Variants in SKI observed in about 807,000 individuals in gnomAD.
SKI encodes the protein SKI proto-oncogene, also known as ski oncogene.
A neutral mutation model predicts 59.3 loss-of-function variants in SKI; 23 were observed. The observed-to-expected ratio is 0.39, with a 90% CI of 0.28 to 0.55. SKI has a LOEUF of 0.55. SKI is among the 20% of genes least tolerant of loss of function. The pLI, the probability that SKI is intolerant of heterozygous loss-of-function variation, is 0.67. For synonymous variants in SKI, 673 were observed against 488.6 expected (o/e 1.38, Z -4.98); for missense variants, 1,017 against 1,038.9 (o/e 0.98, Z 0.29).
At chr1:2,241,287 T>A (rs911684601) in intron 1 of SKI, among the ~76,000 whole-genome samples, 6 of 152,204 alleles carry the variant, frequency 3.9e-5, no homozygotes, top group African/African-American at 1.4e-4. Flanking sequence ...TTCACTGAAG[T>A]AGAGAGATTA....
Position 2,270,599 on chromosome 1 carries a change from G to A in SKI, c.970-32379G>A, listed in dbSNP as rs147895810. Among the ~76,000 whole-genome samples, 120 of 152,282 alleles carry A rather than the reference G, an allele frequency of 7.9e-4. No homozygotes were observed. Among genetic ancestry groups the A allele is most frequent in the Middle Eastern group, 3.4e-3 (1 of 294 alleles). On this transcript the variant is annotated intron_variant, in intron 1 of 6. Coordinates refer to ENST00000378536, the MANE Select transcript of SKI (RefSeq NM_003036.4). This position sits in a 1 kb window ranked among gnomAD's most constrained non-coding sequence, Gnocchi z 4.1. Reference sequence around the variant, plus strand: ...GCCGGCTGAGGAGGCCGCACTCCCCGTGCCTCCCGGGCAGACACCTCACGG... The same window carrying A: ...GCCGGCTGAGGAGGCCGCACTCCCCATGCCTCCCGGGCAGACACCTCACGG...
chr1:2,232,583 G>A (rs1638662362), intron 1 of SKI: 1 of 152,300 alleles, frequency 6.6e-6, no homozygotes, highest in Admixed American at 6.5e-5. Context: ...TACAGAGGAA[G>A]CCTCCGCTTC....
At chr1:2,230,806 A>G (rs1638619125) in intron 1 of SKI, among the ~76,000 whole-genome samples, 2 of 152,174 alleles carry the variant, frequency 1.3e-5, no homozygotes, top group African/African-American at 2.4e-5. Flanking sequence ...TAATTCAGCT[A>G]TTGCATCAAA....
Position 2,282,802 on chromosome 1 carries a change from G to A in SKI, c.970-20176G>A, listed in dbSNP as rs112391098. Among the ~76,000 whole-genome samples, 26 of 152,240 alleles carry A rather than the reference G, an allele frequency of 1.7e-4. 1 individual carries two copies. The highest frequency in any genetic ancestry group is 4.1e-4 in the African/African-American group (17 of 41,538). On this transcript the variant is annotated intron_variant, in intron 1 of 6. Transcript: ENST00000378536. The stretch of plus-strand genomic sequence containing the variant: ...CGGGGGCGCCAGTCCTGTCCTTGGC[G>A]CCCAGCACATGCTACTAGTGACATT...
At chr1:2,290,778 C>G (rs562358678) in intron 1 of SKI, among the ~76,000 whole-genome samples, 239 of 152,298 alleles carry the variant, frequency 1.6e-3, no homozygotes, top group African/African-American at 5.4e-3. Context: ...TCCTGTAAAG[C>G]CGGGGATGGC....
intron 1 of SKI, among the ~76,000 whole-genome samples, chr1:2,234,736 C>T (rs948223204): frequency 2.6e-5 from 4 of 152,260 alleles, no homozygotes; most frequent in African/African-American, 9.6e-5. Flanking sequence ...GGGAGGATTT[C>T]TCCACTGGAA....
At chr1:2,250,584 C>T (rs1291443824) in intron 1 of SKI, among the ~76,000 whole-genome samples, 1 of 152,226 alleles carries the variant, frequency 6.6e-6, no homozygotes, top group Non-Finnish European at 1.5e-5. Flanking sequence ...ACTGTTTTTG[C>T]AACTTTTTGC....
At chr1:2,235,682 C>T (rs541144437) in intron 1 of SKI, among the ~76,000 whole-genome samples, 57 of 152,318 alleles carry the variant, frequency 3.7e-4, no homozygotes, top group Non-Finnish European at 6.9e-4. Context: ...GCTCTGGGGA[C>T]ATGCTGCCAC....
chr1:2,262,785 C>CT (rs1639416619), intron 1 of SKI, among the ~76,000 whole-genome samples: 2 of 152,068 alleles, frequency 1.3e-5, no homozygotes, highest in African/African-American at 4.8e-5. Context: ...TTTCAGGTTA[C>CT]TAATGTGATG....
intron 1 of SKI, among the ~76,000 whole-genome samples, chr1:2,237,102 G>A (rs566215214): frequency 1.3e-5 from 2 of 152,280 alleles, no homozygotes; most frequent in East Asian, 1.9e-4. Flanking sequence ...GGCCCTTCCC[G>A]ACCAGACCTG....
chr1:2,302,427 C>T (rs1640447238), intron 1 of SKI, among the ~76,000 whole-genome samples: 2 of 152,196 alleles, frequency 1.3e-5, no homozygotes, highest in African/African-American at 2.4e-5. Context: ...TGCACCTGTG[C>T]CAGTGGCCCA....
In SKI at chr1:2,232,056, C is replaced by T. The variant is rs114262459; in HGVS notation, c.969+2321C>T. On this transcript the variant is annotated intron_variant, in intron 1 of 6. Transcript: ENST00000378536. ...GGCGTGGACCCACAGTGCCCAGACC[C>T]TACTTGTCCTAGAAGGAGTGGCCTG... is the stretch of plus-strand genomic sequence containing the variant. Among the ~76,000 whole-genome samples, 994 of 152,352 alleles carry T rather than the reference C, an allele frequency of 6.5e-3. 13 individuals carry two copies. The highest frequency in any genetic ancestry group is 0.023 in the African/African-American group (951 of 41,582).
intron 1 of SKI, among the ~76,000 whole-genome samples, chr1:2,247,112 G>A (rs1639016250): frequency 1.3e-5 from 2 of 152,208 alleles, no homozygotes; most frequent in African/African-American, 2.4e-5. Flanking sequence ...CCAGCTACTT[G>A]GGAGGCTGAG....
intron 1 of SKI, among the ~76,000 whole-genome samples, chr1:2,273,376 C>G (rs1639670629): frequency 6.6e-6 from 1 of 152,182 alleles, no homozygotes; most frequent in African/African-American, 2.4e-5. Flanking sequence ...GGTCCCTATC[C>G]TGGTCAGAGG....
In SKI at chr1:2,269,025, C is replaced by T. The variant is rs1446392523; in HGVS notation, c.970-33953C>T. Among the ~76,000 whole-genome samples, 1 of 152,168 alleles carries T rather than the reference C, an allele frequency of 6.6e-6. No homozygotes were observed. ...GGAGTGCAGCAGCACAGTCTTGCGG[C>T]CTCAACCTTGTTGGTTCAAGTGATC... is the stretch of plus-strand genomic sequence containing the variant. On this transcript the variant is annotated intron_variant, in intron 1 of 6. Transcript: ENST00000378536. This position sits in a 1 kb window ranked among gnomAD's most constrained non-coding sequence, Gnocchi z 4.7.
chr1:2,268,686 C>T lies in SKI; in HGVS notation c.970-34292C>T, dbSNP rs569388682. 1.6e-4 allele frequency among the ~76,000 whole-genome samples: 25 copies of T among 152,304 alleles called. No individual in the cohort carries two copies. The highest frequency in any genetic ancestry group is 5.5e-4 in the African/African-American group (23 of 41,576). On this transcript the variant is annotated intron_variant, in intron 1 of 6. Transcript: ENST00000378536. This position sits in a 1 kb window ranked among gnomAD's most constrained non-coding sequence, Gnocchi z 5.0. The stretch of plus-strand genomic sequence containing the variant: ...GAGAAATGAGGCTTGGAGTCTTTTT[C>T]TGGCCTGTGAGGGCTGCAGAGCAGC...
At chr1:2,299,096 C>G (rs891681746) in intron 1 of SKI, among the ~76,000 whole-genome samples, 1 of 152,252 alleles carries the variant, frequency 6.6e-6, no homozygotes, top group African/African-American at 2.4e-5. Context: ...TGACTCAGAC[C>G]CCAGTGTTCA....
At chr1:2,239,899 A>G (rs1332474458) in intron 1 of SKI, among the ~76,000 whole-genome samples, 1 of 152,180 alleles carries the variant, frequency 6.6e-6, no homozygotes, top group Non-Finnish European at 1.5e-5. Context: ...CTGCTGCTTC[A>G]GCTGCGTCCT....
chr1:2,245,226 T>C (rs1214054531), intron 1 of SKI, among the ~76,000 whole-genome samples: 3 of 152,124 alleles, frequency 2.0e-5, no homozygotes, highest in South Asian at 4.1e-4. Flanking sequence ...CAGCACCATG[T>C]CCTCAAGGCG....
Sources: gnomAD v4.1 joint callset for allele counts (sites outside exome capture counted in the v4.1 genomes callset) on GRCh38, gnomAD v4.1.1 for gene constraint, Gnocchi (gnomAD v3.1) non-coding constraint, MANE v1.5 for transcripts, NCBI Gene and HGNC (gene_info 2026-07-23, HGNC 2026-07-21) for gene names.